ARID4B: variants seen among roughly 807,000 people sequenced by gnomAD.
ARID4B encodes the protein AT-rich interactive domain-containing protein 4B.
ARID4B carries 26 observed loss-of-function variants against 147.5 expected under a neutral mutation model. That is an observed-to-expected ratio of 0.18 (90% CI 0.13 to 0.24). The LOEUF (loss-of-function observed/expected upper bound fraction) is 0.24. ARID4B is among the 10% of genes least tolerant of loss of function. ARID4B has a pLI of 1.00. For synonymous variants in ARID4B, 512 were observed against 507.9 expected, an observed-to-expected ratio of 1.01 and a Z score of -0.11; for missense variants, 1,179 against 1,511.5, an observed-to-expected ratio of 0.78 and a Z score of 3.65.
chr1:235,177,560 T>C, intron 21 of ARID4B: 1 of 333,660 alleles, frequency 3.0e-6, no homozygotes, highest in Non-Finnish European at 5.4e-6. Flanking sequence ...TGTGCCATGT[T>C]GGTTTGCTGC....
At chr1:235,255,316 A>G (rs1487100114) in intron 5 of ARID4B, among the ~76,000 whole-genome samples, 3 of 138,746 alleles carry the variant, frequency 2.2e-5, no homozygotes, top group Non-Finnish European at 3.3e-5. Flanking sequence ...GTTAAAAGAC[A>G]TTTCTATTAT....
Position 235,220,349 on chromosome 1 carries a change from G to A in ARID4B, c.1360C>T (p.Pro454Ser). The A allele has an allele frequency of 6.2e-7, 1 of 1,608,432 alleles. No homozygotes were observed. Among genetic ancestry groups the A allele is most frequent in the Non-Finnish European group, 8.5e-7 (1 of 1,176,558 alleles). ...TTTCTTTCAATTTCATCCTCAATAG[G>A]CTTTTCTTCTCTTGGTATTATATTC... ...ERNIIPREEK[P>S]IEDEIERKEN... is the part of the protein sequence containing the mutation. The change falls in exon 15 of 24, where the codon CCT becomes TCT. Residue 454 changes from proline (P) to serine (S), a missense_variant. Pro to Ser is a moderately conservative substitution (Grantham distance 74). Transcript: ENST00000264183.
At position 235,221,553 on chromosome 1, in the gene ARID4B, AT is replaced by A; in HGVS notation, c.1163+11del. 6.8e-7 allele frequency: 1 copy of A among 1,461,096 alleles called. No homozygotes were observed. The highest frequency in any genetic ancestry group is 9.5e-7 in the Non-Finnish European group (1 of 1,051,176). The allele number at this position is 1,461,096 out of a possible 1,614,324, so 90.5% of individuals were successfully genotyped here. On this transcript the variant is annotated intron_variant, in intron 14 of 23. Coordinates refer to ENST00000264183, the MANE Select transcript of ARID4B (RefSeq NM_016374.6). ...AATACTGAAGATAATCATATCAATT[AT>A]ACTAACTTACTTTTTATAAGCACAT...
chr1:235,196,759 A>G (rs1219408087), intron 17 of ARID4B, among the ~76,000 whole-genome samples: 1 of 151,606 alleles, frequency 6.6e-6, no homozygotes, highest in African/African-American at 2.4e-5. Flanking sequence ...AGGCTGAGGC[A>G]GAAGAATCGT....
At chr1:235,226,115 G>C (rs1667810992) in intron 11 of ARID4B, among the ~76,000 whole-genome samples, 1 of 152,062 alleles carries the variant, frequency 6.6e-6, no homozygotes, top group African/African-American at 2.4e-5. Flanking sequence ...TTTAACTCAA[G>C]AAAATGTTTA....
intron 2 of ARID4B, among the ~76,000 whole-genome samples, chr1:235,281,398 A>G (rs1671662933): frequency 6.6e-6 from 1 of 151,350 alleles, no homozygotes; most frequent in African/African-American, 2.5e-5. Context: ...TAAAAATGCA[A>G]AAATCAGCTG....
intron 8 of ARID4B, among the ~76,000 whole-genome samples, chr1:235,239,447 G>C (rs551692290): frequency 2.6e-4 from 40 of 152,060 alleles, no homozygotes; most frequent in Non-Finnish European, 5.0e-4. Flanking sequence ...ACCTCTATTT[G>C]CTTTAAGAGC....
chr1:235,235,166 T>C (rs369546200), intron 8 of ARID4B, among the ~76,000 whole-genome samples: 5 of 151,982 alleles, frequency 3.3e-5, no homozygotes, highest in East Asian at 3.9e-4. Flanking sequence ...CTTGTACAAA[T>C]AGGCAGATGA....
chr1:235,268,027 G>C (rs569850167), intron 2 of ARID4B, among the ~76,000 whole-genome samples: 1 of 152,174 alleles, frequency 6.6e-6, no homozygotes, highest in Non-Finnish European at 1.5e-5. Context: ...GGTAAGGGTT[G>C]AATAGGCACA....
At chr1:235,290,655 A>T (rs747140936) in intron 2 of ARID4B, among the ~76,000 whole-genome samples, 3 of 152,268 alleles carry the variant, frequency 2.0e-5, no homozygotes, top group Non-Finnish European at 4.4e-5. Flanking sequence ...TGTCCTATAC[A>T]GAACTGCAAA....
intron 7 of ARID4B, among the ~76,000 whole-genome samples, chr1:235,241,806 C>T (rs1267944776): frequency 1.3e-5 from 2 of 148,720 alleles, no homozygotes; most frequent in Non-Finnish European, 3.0e-5. Flanking sequence ...GTGAGCCACC[C>T]CACCTGGCCA....
chr1:235,303,558 T>TA (rs1031273792), intron 2 of ARID4B, among the ~76,000 whole-genome samples: 25 of 151,614 alleles, frequency 1.6e-4, no homozygotes, highest in African/African-American at 5.8e-4. Flanking sequence ...ATCCCATCTC[T>TA]AAAAAAAACG....
At chr1:235,271,709 G>C (rs1001826089) in intron 2 of ARID4B, among the ~76,000 whole-genome samples, 1 of 151,990 alleles carries the variant, frequency 6.6e-6, no homozygotes, top group South Asian at 2.1e-4. Flanking sequence ...AACACTTTGG[G>C]AGGCCAAGGT....
At chr1:235,263,717 G>A (rs571646108) in intron 2 of ARID4B, among the ~76,000 whole-genome samples, 5 of 151,876 alleles carry the variant, frequency 3.3e-5, no homozygotes, top group East Asian at 1.9e-4. Flanking sequence ...GGCTGGGCGC[G>A]GGACTCACAC....
In ARID4B at chr1:235,257,806, C is replaced by T. The variant is rs540141847; in HGVS notation, c.118-581G>A. 1.5e-3 allele frequency among the ~76,000 whole-genome samples: 226 copies of T among 152,138 alleles called. 3 individuals are homozygous for T. The highest frequency in any genetic ancestry group is 5.1e-3 in the African/African-American group (211 of 41,528). On this transcript the variant is annotated intron_variant, in intron 3 of 23. Coordinates refer to ENST00000264183, the MANE Select transcript of ARID4B (RefSeq NM_016374.6). The stretch of plus-strand genomic sequence containing the variant: ...CCACATATCATCCTTTATTTCAATA[C>T]TATCAGTTATGAATTTAGTTGTAAA...
At chr1:235,323,664 A>G (rs1675009843) in intron 2 of ARID4B, among the ~76,000 whole-genome samples, 1 of 151,728 alleles carries the variant, frequency 6.6e-6, no homozygotes, top group Non-Finnish European at 1.5e-5. Context: ...CATGCCTATA[A>G]TTCCAGTTAC....
At chr1:235,235,067 G>C (rs1235632320) in intron 8 of ARID4B, among the ~76,000 whole-genome samples, 1 of 152,178 alleles carries the variant, frequency 6.6e-6, no homozygotes, top group Non-Finnish European at 1.5e-5. Context: ...ATGTAAAGTG[G>C]TGGCAATGGC....
chr1:235,281,774 G>C (rs770682773), intron 2 of ARID4B, among the ~76,000 whole-genome samples: 5 of 152,112 alleles, frequency 3.3e-5, no homozygotes, highest in Non-Finnish European at 7.4e-5. Flanking sequence ...AGTGGTAAGA[G>C]GTACTCTCAT....
At chr1:235,314,252 C>A (rs959333061) in intron 2 of ARID4B, among the ~76,000 whole-genome samples, 1 of 151,964 alleles carries the variant, frequency 6.6e-6, no homozygotes, top group African/African-American at 2.4e-5. Flanking sequence ...TAAAAAAAAA[C>A]AAGACAGGCT....
Sources: gnomAD v4.1 joint callset for allele counts (sites outside exome capture counted in the v4.1 genomes callset) on GRCh38, gnomAD v4.1.1 for gene constraint, MANE v1.5 for transcripts, NCBI Gene and HGNC (gene_info 2026-07-23, HGNC 2026-07-21) for gene names.